Variants in DMRT1 observed in about 807,000 individuals in gnomAD.
DMRT1 encodes the protein doublesex- and mab-3-related transcription factor 1.
Under a neutral mutation model 32.3 loss-of-function variants are expected in DMRT1, and 7 were observed. That is an observed-to-expected ratio of 0.22 (90% confidence interval 0.12 to 0.41). The LOEUF (loss-of-function observed/expected upper bound fraction) is 0.41, where lower values mean the gene tolerates loss of function less well. Ranked by LOEUF, DMRT1 falls within the 10% of genes least tolerant of loss-of-function variation. The pLI is 1.00. For synonymous variants in DMRT1, 278 were observed against 206.1 expected (o/e 1.35, Z -2.99); for missense variants, 625 against 500.5 (o/e 1.25, Z -2.37).
chr9:860,602 C>T (rs2132575995), intron 2 of DMRT1, among the ~76,000 whole-genome samples: 1 of 152,230 alleles, frequency 6.6e-6, no homozygotes, highest in South Asian at 2.1e-4. Flanking sequence ...CTCTTGGGGG[C>T]TGCCAGGGAA....
At chr9:966,257 T>G (rs279897) in intron 4 of DMRT1, among the ~76,000 whole-genome samples, 135,563 of 152,224 alleles carry the variant, frequency 0.89, 60,623 homozygotes, top group East Asian at 1. Context: ...GAAGGCTTCA[T>G]ATTTCCTAGA....
intron 2 of DMRT1, among the ~76,000 whole-genome samples, chr9:863,331 A>G (rs548158290): frequency 6.6e-6 from 1 of 151,682 alleles, no homozygotes; most frequent in East Asian, 1.9e-4. Context: ...AAAAAAAAAA[A>G]AAAAAAGGGC....
intron 2 of DMRT1, among the ~76,000 whole-genome samples, chr9:853,407 A>T (rs1289196643): frequency 6.6e-6 from 1 of 151,968 alleles, no homozygotes; most frequent in Non-Finnish European, 1.5e-5. Flanking sequence ...AATTTAAGAT[A>T]ACATTTTAAA....
chr9:918,725 A>AATAACTAC (rs1564250696), intron 4 of DMRT1, among the ~76,000 whole-genome samples: 1 of 151,696 alleles, frequency 6.6e-6, no homozygotes, highest in East Asian at 1.9e-4. Context: ...GAGAGCTGGG[A>AATAACTAC]AGTAAAATCT....
chr9:884,956 T>A (rs774959746), intron 2 of DMRT1, among the ~76,000 whole-genome samples: 1 of 152,060 alleles, frequency 6.6e-6, no homozygotes, highest in Non-Finnish European at 1.5e-5. Flanking sequence ...GGCAACAGAG[T>A]GAGTGAGACT....
At chr9:861,253 G>C (rs1442710104) in intron 2 of DMRT1, among the ~76,000 whole-genome samples, 1 of 151,782 alleles carries the variant, frequency 6.6e-6, no homozygotes, top group East Asian at 1.9e-4. Flanking sequence ...GTTGAGATTA[G>C]GGAGTGGTGA....
At position 842,291 on chromosome 9, in the gene DMRT1, G is replaced by C. The variant is rs931723275; in HGVS notation, c.354+99G>C. 8 of 1,434,170 alleles carry C rather than the reference G, an allele frequency of 5.6e-6. No homozygotes were observed. The African/African-American group carries it at 9.2e-5, about 17-fold the overall frequency. The allele number at this position is 1,434,170 out of a possible 1,614,324, so 88.8% of individuals were successfully genotyped here. On this transcript the variant is annotated intron_variant, in intron 1 of 4. Transcript: ENST00000382276. ...GCTCGGTTGCCCAGGCTGCAGTGTA[G>C]TGGCGCGATCTTGGCTCACTGCAAC... is the stretch of plus-strand genomic sequence containing the variant.
At chr9:942,566 C>T (rs1819111472) in intron 4 of DMRT1, among the ~76,000 whole-genome samples, 1 of 152,178 alleles carries the variant, frequency 6.6e-6, no homozygotes, top group African/African-American at 2.4e-5. Flanking sequence ...AGCCACTGTG[C>T]CTGGCCTATT....
intron 4 of DMRT1, among the ~76,000 whole-genome samples, chr9:960,177 T>A (rs902355985): frequency 6.6e-6 from 1 of 152,188 alleles, no homozygotes; most frequent in Non-Finnish European, 1.5e-5. Context: ...GGCCTATACA[T>A]GATGCCGTGA....
chr9:846,220 A>T (rs1838897838), intron 1 of DMRT1, among the ~76,000 whole-genome samples: 2 of 151,256 alleles, frequency 1.3e-5, no homozygotes, highest in Non-Finnish European at 2.9e-5. Context: ...TTTAGTGGAG[A>T]TGGGGTTTCA....
chr9:948,267 A>G (rs1358053752), intron 4 of DMRT1, among the ~76,000 whole-genome samples: 1 of 152,148 alleles, frequency 6.6e-6, no homozygotes, highest in East Asian at 1.9e-4. Flanking sequence ...GTGTGCTTTA[A>G]TGAACAGTTT....
At chr9:917,261 T>G (rs991172533) in intron 4 of DMRT1, among the ~76,000 whole-genome samples, 1 of 152,194 alleles carries the variant, frequency 6.6e-6, no homozygotes, top group Non-Finnish European at 1.5e-5. Flanking sequence ...TTCTGTGCAT[T>G]GAAAACTCCT....
intron 3 of DMRT1, among the ~76,000 whole-genome samples, chr9:901,567 T>A (rs1817576211): frequency 6.6e-6 from 1 of 152,090 alleles, no homozygotes; most frequent in South Asian, 2.1e-4. Context: ...CCTCAGGTGA[T>A]CCGCCTGCCT....
Position 953,175 on chromosome 9 carries a change from T to G in DMRT1, c.968-14810T>G, listed in dbSNP as rs550827315. Among the ~76,000 whole-genome samples the G allele has an allele frequency of 5.9e-5, 9 of 152,340 alleles. No homozygotes were observed. The South Asian group carries it at 1.7e-3, about 28-fold the overall frequency. On this transcript the variant is annotated intron_variant, in intron 4 of 4. Coordinates refer to ENST00000382276, the MANE Select transcript of DMRT1 (RefSeq NM_021951.3). ...AAGCTTACTTATCTTGTTTACATTT[T>G]CAGTCAATTAATAATGAAAGTGATC...
intron 4 of DMRT1, among the ~76,000 whole-genome samples, chr9:936,431 C>T (rs1818887370): frequency 6.6e-6 from 1 of 151,980 alleles, no homozygotes; most frequent in African/African-American, 2.4e-5. Flanking sequence ...TTAACATCTC[C>T]TGTGAGGTTA....
chr9:881,140 G>C (rs1030115072), intron 2 of DMRT1, among the ~76,000 whole-genome samples: 1 of 152,128 alleles, frequency 6.6e-6, no homozygotes, highest in Non-Finnish European at 1.5e-5. Flanking sequence ...TGTGCAGCCA[G>C]GTTTGAAAAC....
intron 2 of DMRT1, among the ~76,000 whole-genome samples, chr9:860,900 G>C (rs1815629475): frequency 6.6e-6 from 1 of 152,236 alleles, no homozygotes; most frequent in Non-Finnish European, 1.5e-5. Context: ...TTTGAGCACA[G>C]GGTGACACCA....
chr9:846,093 G>A (rs1026981308), intron 1 of DMRT1, among the ~76,000 whole-genome samples: 6 of 149,022 alleles, frequency 4.0e-5, no homozygotes, highest in African/African-American at 1.5e-4. Context: ...GTGCAGTGTC[G>A]CGATCTCGGC....
chr9:847,898 T>G (rs1257712892), intron 2 of DMRT1, among the ~76,000 whole-genome samples: 1 of 152,224 alleles, frequency 6.6e-6, no homozygotes, highest in African/African-American at 2.4e-5. Flanking sequence ...CTAGCCACAT[T>G]TCATGTGCTT....
Sources: allele counts gnomAD v4.1 joint callset (sites outside exome capture counted in the v4.1 genomes callset), GRCh38; gene constraint gnomAD v4.1.1; transcripts MANE v1.5; gene names NCBI Gene and HGNC (gene_info 2026-07-23, HGNC 2026-07-21).